The following CREB3L2 variants were observed in gnomAD, a reference collection of about 807,000 sequenced individuals.
The protein encoded by CREB3L2 is cyclic AMP-responsive element-binding protein 3-like protein 2.
A neutral mutation model predicts 57.2 loss-of-function variants in CREB3L2; 23 were observed. The observed-to-expected ratio is 0.40, with a 90% CI of 0.29 to 0.57. The LOEUF (loss-of-function observed/expected upper bound fraction) is 0.57, where lower values mean the gene tolerates loss of function less well. Ranked by LOEUF, CREB3L2 falls within the 20% of genes least tolerant of loss-of-function variation. The pLI is 0.42. For synonymous variants in CREB3L2, 268 were observed against 265.1 expected (o/e 1.01, Z -0.11); for missense variants, 628 against 634.7 (o/e 0.99, Z 0.11).
Position 137,875,824 on chromosome 7 carries a change from A to G in CREB3L2, c.*4652T>C, listed in dbSNP as rs772125135. ...AGCACAGCACGCAACACCCTAGTAAATGCTCAAGAAATATTATTTCCCTTC... is the reference window on the plus strand; with the variant it reads ...AGCACAGCACGCAACACCCTAGTAAGTGCTCAAGAAATATTATTTCCCTTC... On this transcript the variant is annotated 3_prime_UTR_variant, in exon 12 of 12. Transcript: ENST00000330387. 8.5e-5 allele frequency: 19 copies of G among 224,536 alleles called. No homozygotes were observed. The highest frequency in any genetic ancestry group is 1.4e-4 in the Non-Finnish European group (16 of 112,634). 13.9% of individuals were successfully genotyped at this position (224,536 alleles called of 1,614,324 possible). A position where few individuals can be genotyped will look rare whatever the true frequency, so the allele number is the denominator to read the frequency against.
intron 1 of CREB3L2, among the ~76,000 whole-genome samples, chr7:137,962,514 CAT>C (rs1801340436): frequency 6.6e-6 from 1 of 151,986 alleles, no homozygotes; most frequent in African/African-American, 2.4e-5. Context: ...CCAGCTCCAG[CAT>C]ACACCCTGGG....
In CREB3L2 at chr7:137,878,345, C is replaced by T. The variant is rs1799204431; in HGVS notation, c.*2131G>A. 1 of 232,928 alleles carries T rather than the reference C, an allele frequency of 4.3e-6. No homozygotes were observed. The highest frequency in any genetic ancestry group is 8.5e-6 in the Non-Finnish European group (1 of 117,934). The allele number at this position is 232,928 out of a possible 1,614,324, so 14.4% of individuals were successfully genotyped here. A position where few individuals can be genotyped will look rare whatever the true frequency, so the allele number is the denominator to read the frequency against. ...TTCTGCCCCTAAATTTGAAACCTTT[C>T]CTTCCTCATTGCCCAAATGCTACTT... is the stretch of plus-strand genomic sequence containing the variant. On this transcript the variant is annotated 3_prime_UTR_variant, in exon 12 of 12. Transcript: ENST00000330387.
chr7:137,947,676 T>C (rs1437074510), intron 1 of CREB3L2, among the ~76,000 whole-genome samples: 1 of 152,236 alleles, frequency 6.6e-6, no homozygotes, highest in African/African-American at 2.4e-5. Context: ...ATAAATCTCT[T>C]TATTCCTGAT....
Position 137,983,899 on chromosome 7 carries a change from G to A in CREB3L2, c.102+17705C>T, listed in dbSNP as rs143738115. 3.3e-5 allele frequency among the ~76,000 whole-genome samples: 5 copies of A among 152,228 alleles called. No individual in the cohort carries two copies. In the East Asian group the frequency reaches 5.8e-4, roughly 18 times the overall value. ...CTGCTTTTCCTGAGAAAGCACAATC[G>A]GGCCTTTTGATTCCCATCCGCACAC... On this transcript the variant is annotated intron_variant, in intron 1 of 11. Coordinates refer to ENST00000330387, the MANE Select transcript of CREB3L2 (RefSeq NM_194071.4).
chr7:137,918,341 C>A (rs1394885736), intron 2 of CREB3L2, among the ~76,000 whole-genome samples: 1 of 152,078 alleles, frequency 6.6e-6, no homozygotes, highest in Non-Finnish European at 1.5e-5. Flanking sequence ...CAGGTACACG[C>A]CACGACGCCC....
intron 1 of CREB3L2, among the ~76,000 whole-genome samples, chr7:137,942,147 G>A (rs1254532573): frequency 6.6e-6 from 1 of 152,120 alleles, no homozygotes; most frequent in Non-Finnish European, 1.5e-5. Context: ...AGCTTCTTTA[G>A]TGTCCTTTCA....
intron 8 of CREB3L2, among the ~76,000 whole-genome samples, chr7:137,890,770 C>G (rs1799513565): frequency 6.6e-6 from 1 of 152,188 alleles, no homozygotes; most frequent in Non-Finnish European, 1.5e-5. Context: ...GTCACTGAGA[C>G]AGATGTCACT....
rs1443468513 is a variant in CREB3L2, at chr7:138,001,679, C to T, written c.27G>A (p.Gln9=). MEVLESGE[Q]GVLQWDRKLS... ...GCTTGCGGTCCCACTGCAGCACGCC[C>T]TGCTCCCCGCTCTCCAGCACCTCCA... Residue 9 remains glutamine, a synonymous_variant, in exon 1 of 12, where the codon CAG becomes CAA. Coordinates refer to ENST00000330387, the MANE Select transcript of CREB3L2 (RefSeq NM_194071.4). This position sits in a 1 kb window ranked among gnomAD's most constrained non-coding sequence, Gnocchi z 4.2. The T allele has an allele frequency of 6.2e-7, 1 of 1,612,390 alleles. No homozygotes were observed. Among genetic ancestry groups the T allele is most frequent in the South Asian group, 1.1e-5 (1 of 90,952 alleles).
At chr7:137,930,892 A>G (rs1317275938) in intron 1 of CREB3L2, among the ~76,000 whole-genome samples, 1 of 151,624 alleles carries the variant, frequency 6.6e-6, no homozygotes, top group Admixed American at 6.6e-5. Flanking sequence ...CAGAAAGATT[A>G]TACATATCAT....
chr7:137,975,766 G>A (rs1801596403), intron 1 of CREB3L2, among the ~76,000 whole-genome samples: 1 of 152,184 alleles, frequency 6.6e-6, no homozygotes, highest in Non-Finnish European at 1.5e-5. Flanking sequence ...TAAACAGCAG[G>A]AAAGAGAGAG....
chr7:137,890,470 CAA>C (rs2117183665), intron 8 of CREB3L2, among the ~76,000 whole-genome samples: 1 of 152,284 alleles, frequency 6.6e-6, no homozygotes, highest in Admixed American at 6.5e-5. Flanking sequence ...GCTCTAAAGG[CAA>C]AGACACCTGA....
At chr7:137,959,982 A>G (rs1194911160) in intron 1 of CREB3L2, among the ~76,000 whole-genome samples, 1 of 152,092 alleles carries the variant, frequency 6.6e-6, no homozygotes, top group African/African-American at 2.4e-5. Context: ...TAGAATTCTC[A>G]TGGCTTCATG....
intron 1 of CREB3L2, chr7:137,956,576 T>A (rs554440789): frequency 1.6e-6 from 2 of 1,288,318 alleles, no homozygotes; most frequent in Admixed American, 4.6e-5. Context: ...CTACCTTCCA[T>A]CTTTCAGGTC....
rs1232292927 is a variant in CREB3L2, at chr7:137,978,211, TTACAGAGATATACTCTCTA to T, written c.102+23374_102+23392del. ...CAACTATCCTGACTTCTGGACGACT[TTACAGAGATATACTCTCTA>T]TACAGAGATAACTCTCTATATATCT... On this transcript the variant is annotated intron_variant, in intron 1 of 11. Coordinates refer to ENST00000330387, the MANE Select transcript of CREB3L2 (RefSeq NM_194071.4). Among the ~76,000 whole-genome samples, 4 of 152,272 alleles carry T rather than the reference TTACAGAGATATACTCTCTA, an allele frequency of 2.6e-5. No homozygotes were observed. In the Middle Eastern group the frequency reaches 0.01, roughly 388 times the overall value.
At chr7:137,904,137 C>A in intron 6 of CREB3L2, 120 bp from the exon 7 acceptor site, 1 of 822,544 alleles carries the variant, frequency 1.2e-6, no homozygotes, top group Non-Finnish European at 2.0e-6. Context: ...AAGCTGCTTG[C>A]CATTTGTTTA....
intron 4 of CREB3L2, 114 bp from the exon 5 acceptor site, chr7:137,908,550 T>A (rs1369851175): frequency 1.5e-6 from 1 of 668,492 alleles, no homozygotes; most frequent in East Asian, 3.4e-5. Context: ...CCTGGACAGA[T>A]CTCCAAGGTG....
chr7:137,958,232 C>G (rs1801255248), intron 1 of CREB3L2, among the ~76,000 whole-genome samples: 1 of 152,132 alleles, frequency 6.6e-6, no homozygotes, highest in Admixed American at 6.5e-5. Context: ...CTTGATGGCC[C>G]AACACAAGTT....
At chr7:137,950,292 A>T (rs563382925) in intron 1 of CREB3L2, among the ~76,000 whole-genome samples, 35 of 152,336 alleles carry the variant, frequency 2.3e-4, no homozygotes, top group African/African-American at 8.2e-4. Flanking sequence ...GCACTGGTCA[A>T]AGAAAGGATC....
intron 1 of CREB3L2, among the ~76,000 whole-genome samples, chr7:137,939,862 C>G (rs1800852345): frequency 6.6e-6 from 1 of 152,192 alleles, no homozygotes; most frequent in African/African-American, 2.4e-5. Flanking sequence ...TTTGCCTGAT[C>G]TATCCCACAA....
Sources: gnomAD v4.1 joint callset for allele counts (sites outside exome capture counted in the v4.1 genomes callset) on GRCh38, gnomAD v4.1.1 for gene constraint, Gnocchi (gnomAD v3.1) non-coding constraint, MANE v1.5 for transcripts, NCBI Gene and HGNC (gene_info 2026-07-23, HGNC 2026-07-21) for gene names.